Variants in ATP12A observed in about 807,000 individuals in gnomAD.
ATP12A encodes ATPase H+/K+ transporting non-gastric alpha2 subunit, also known as potassium-transporting ATPase alpha chain 2.
ATP12A carries 81 observed loss-of-function variants against 111.2 expected under a neutral mutation model. The observed-to-expected ratio is 0.73, with a 90% CI of 0.61 to 0.88. The LOEUF (loss-of-function observed/expected upper bound fraction) is 0.88, where lower values mean the gene tolerates loss of function less well. ATP12A is among the 40% of genes least tolerant of loss of function. The pLI, the probability that ATP12A is intolerant of heterozygous loss-of-function variation, is 0.00. For synonymous variants in ATP12A, 498 were observed against 499.8 expected (o/e 1.00, Z 0.05); for missense variants, 1,196 against 1,313.1 (o/e 0.91, Z 1.38).
At position 24,692,556 on chromosome 13, in the gene ATP12A, A is replaced by T. The variant is rs1374495757; in HGVS notation, c.1196A>T (p.Asn399Ile). ...CSDKTGTLTQ[N>I]RMTVAHLWFD... ...GACAAGACTGGGACACTGACCCAGA[A>T]CAGGATGACAGTGGCCCATCTGTGG... The change falls in exon 9 of 23, where the codon AAC becomes ATC. Residue 399 changes from asparagine to isoleucine, a missense_variant. Coordinates refer to ENST00000381946, the MANE Select transcript of ATP12A (RefSeq NM_001676.7). 6.2e-7 allele frequency: 1 copy of T among 1,614,212 alleles called. No homozygotes were observed. Among genetic ancestry groups the T allele is most frequent in the Non-Finnish European group, 8.5e-7 (1 of 1,180,034 alleles).
At position 24,707,424 on chromosome 13, in the gene ATP12A, G is replaced by A. The variant is rs1875721818; in HGVS notation, c.2484G>A (p.Gly828=). Residue 828 remains glycine (G), a synonymous_variant, in exon 17 of 23, where the codon GGG becomes GGA. Coordinates refer to ENST00000381946, the MANE Select transcript of ATP12A (RefSeq NM_001676.7). ...GTITILFIDL[G]TDIIPSIALA... ...TCACCATTCTGTTCATTGACTTGGG[G>A]ACAGACATTGTAAGTGACACTGAAG... The A allele has an allele frequency of 3.1e-6, 5 of 1,614,090 alleles. No individual in the cohort carries two copies. The highest frequency in any genetic ancestry group is 4.2e-6 in the Non-Finnish European group (5 of 1,180,046).
chr13:24,684,114 TC>T (rs35009651), intron 2 of ATP12A, among the ~76,000 whole-genome samples: 70,117 of 150,880 alleles, frequency 0.46, 16,692 homozygotes, highest in East Asian at 0.71. Context: ...AAGTCTGAGG[TC>T]CCATGCATGC....
In ATP12A at chr13:24,711,940, A is replaced by T. The variant is rs1156360410; in HGVS notation, c.*418A>T. On this transcript the variant is annotated 3_prime_UTR_variant, in exon 23 of 23. Coordinates refer to ENST00000381946, the MANE Select transcript of ATP12A (RefSeq NM_001676.7). Reference sequence around the variant, plus strand: ...CATGACCTCCCTAAGATTTCTGCAGATCCCCTGAGAAGGTATGTTTTCATG... The same window carrying T: ...CATGACCTCCCTAAGATTTCTGCAGTTCCCCTGAGAAGGTATGTTTTCATG... 3 of 220,268 alleles carry T rather than the reference A, an allele frequency of 1.4e-5. No homozygotes were observed. Among genetic ancestry groups the T allele is most frequent in the Non-Finnish European group, 2.7e-5 (3 of 110,380 alleles). 13.6% of individuals were successfully genotyped at this position (220,268 alleles called of 1,614,324 possible). A position where few individuals can be genotyped will look rare whatever the true frequency, so the allele number is the denominator to read the frequency against.
At chr13:24,683,907 C>G (rs1874572777) in intron 2 of ATP12A, among the ~76,000 whole-genome samples, 1 of 152,164 alleles carries the variant, frequency 6.6e-6, no homozygotes, top group Non-Finnish European at 1.5e-5. Flanking sequence ...GCTTTTGCCT[C>G]CCAACCTTTC....
rs1047785605 is a variant in ATP12A, at chr13:24,696,177, G to A, written c.1512+1599G>A. 7.2e-5 allele frequency among the ~76,000 whole-genome samples: 11 copies of A among 152,134 alleles called. No individual in the cohort carries two copies. The East Asian group carries it at 1.4e-3, about 19-fold the overall frequency. ...TCCACAAGTATTAAATTATTCATTC[G>A]CACGACAACACTGTGGGGTGGCTAG... is the stretch of plus-strand genomic sequence containing the variant. On this transcript the variant is annotated intron_variant, in intron 11 of 22. Coordinates refer to ENST00000381946, the MANE Select transcript of ATP12A (RefSeq NM_001676.7).
intron 2 of ATP12A, among the ~76,000 whole-genome samples, chr13:24,682,366 T>C (rs1874509837): frequency 7.2e-6 from 1 of 138,694 alleles, no homozygotes; most frequent in Admixed American, 7.2e-5. Context: ...TGTATATGTG[T>C]GGTGTGTGGT....
At chr13:24,702,132 T>G in intron 14 of ATP12A, 61 bp downstream of exon 14, 1 of 1,602,194 alleles carries the variant, frequency 6.2e-7, no homozygotes, top group Non-Finnish European at 8.5e-7. Context: ...CCACTGGCTC[T>G]AAAGAGCTGC....
At chr13:24,701,829 A>C in intron 13 of ATP12A, 106 bp from the exon 14 acceptor site, 1 of 1,454,046 alleles carries the variant, frequency 6.9e-7, no homozygotes, top group Non-Finnish European at 9.5e-7. Context: ...GTAATCACCA[A>C]CCACGTTCTC....
In ATP12A at chr13:24,708,961, G is replaced by GAAAGA. The variant is rs879357811; in HGVS notation, c.2494-401_2494-400insAGAAA. 1.2e-3 allele frequency among the ~76,000 whole-genome samples: 137 copies of GAAAGA among 118,240 alleles called. 2 individuals are homozygous for GAAAGA. Among genetic ancestry groups the GAAAGA allele is most frequent in the East Asian group, 3.0e-3 (11 of 3,710 alleles). 77.6% of individuals were successfully genotyped at this position (118,240 alleles called of 152,430 possible). ...AGAAAGAAAGAAAGAAAGAAAGAAA[G>GAAAGA]AAGGAAAGAGAAAGAGAAATGAATG... On this transcript the variant is annotated intron_variant, in intron 17 of 22. Transcript: ENST00000381946.
chr13:24,706,930 C>T (rs968744471), intron 15 of ATP12A, 93 bp from the exon 16 acceptor site: 4 of 1,389,148 alleles, frequency 2.9e-6, no homozygotes, highest in Non-Finnish European at 3.9e-6. Flanking sequence ...ATCCTCGCAA[C>T]CTCAAGAGAA....
chr13:24,707,836 A>T (rs1875738845), intron 17 of ATP12A, among the ~76,000 whole-genome samples: 2 of 152,030 alleles, frequency 1.3e-5, no homozygotes, highest in Non-Finnish European at 2.9e-5. Flanking sequence ...GTGCCACCAC[A>T]CCTGGCTAAT....
At chr13:24,689,138 T>A in intron 4 of ATP12A, 124 bp from the exon 5 acceptor site, 1 of 755,706 alleles carries the variant, frequency 1.3e-6, no homozygotes. Flanking sequence ...GCGAATTCCA[T>A]GGCCTGTAAA....
At chr13:24,686,536 C>G (rs1162758889) in intron 3 of ATP12A, among the ~76,000 whole-genome samples, 1 of 151,644 alleles carries the variant, frequency 6.6e-6, no homozygotes, top group African/African-American at 2.4e-5. Context: ...GTCAGGAGAT[C>G]GAGACCATCC....
chr13:24,701,791 G>A (rs1485061317), intron 13 of ATP12A, 144 bp from the exon 14 acceptor site: 1 of 1,061,070 alleles, frequency 9.4e-7, no homozygotes, highest in African/African-American at 1.6e-5. Context: ...TCCAAAGACA[G>A]TTGTCTCGTA....
chr13:24,694,578 G>A lies in ATP12A; in HGVS notation c.1512G>A (p.Gln504=), dbSNP rs574866262. The change falls in exon 11 of 23, where the codon CAG becomes CAA. Residue 504 remains glutamine (Q), a splice_region_variant and synonymous_variant. Transcript: ENST00000381946. ...EIPFNSTNKF[Q]LSIHEMDDPH... Reference sequence around the variant, plus strand: ...CTTTTAACTCTACTAATAAATTTCAGGTGAGTTTTTCCTCACAACCGGTAA... The same window carrying A: ...CTTTTAACTCTACTAATAAATTTCAAGTGAGTTTTTCCTCACAACCGGTAA... 22 of 1,612,484 alleles carry A rather than the reference G, an allele frequency of 1.4e-5. No homozygotes were observed. The South Asian group carries it at 2.3e-4, about 17-fold the overall frequency.
At chr13:24,696,906 A>G (rs1437725257) in intron 11 of ATP12A, among the ~76,000 whole-genome samples, 1 of 152,202 alleles carries the variant, frequency 6.6e-6, no homozygotes, top group African/African-American at 2.4e-5. Flanking sequence ...GGAAGGAAAT[A>G]AAATGGAAAG....
At chr13:24,682,185 A>G (rs1283331509) in intron 2 of ATP12A, among the ~76,000 whole-genome samples, 29 of 63,476 alleles carry the variant, frequency 4.6e-4, no homozygotes, top group South Asian at 5.5e-4. Flanking sequence ...TGGTGTGTGT[A>G]TGTGTGTGGT....
At chr13:24,708,907 AAG>A (rs1176343174) in intron 17 of ATP12A, among the ~76,000 whole-genome samples, 2 of 93,216 alleles carry the variant, frequency 2.1e-5, no homozygotes, top group Non-Finnish European at 4.4e-5. Context: ...AAAGGAAAGA[AAG>A]AAAGAAAGAA....
intron 11 of ATP12A, among the ~76,000 whole-genome samples, chr13:24,696,743 A>AAAAAAAAG (rs1555254852): frequency 1.0e-5 from 1 of 99,364 alleles, no homozygotes; most frequent in Non-Finnish European, 2.0e-5. Flanking sequence ...AAAAAAAAAA[A>AAAAAAAAG]AAAGAAAGGG....
Sources: gnomAD v4.1 joint callset for allele counts (sites outside exome capture counted in the v4.1 genomes callset) on GRCh38, gnomAD v4.1.1 for gene constraint, MANE v1.5 for transcripts, NCBI Gene and HGNC (gene_info 2026-07-23, HGNC 2026-07-21) for gene names.